Variants in ZPBP observed in about 807,000 individuals in gnomAD.
ZPBP encodes the protein zona pellucida binding protein, also known as zona pellucida-binding protein 1.
Under a neutral mutation model 44.8 loss-of-function variants are expected in ZPBP, and 26 were observed. That is an observed-to-expected ratio of 0.58 (90% CI 0.43 to 0.81). ZPBP has a LOEUF of 0.81. Among genes scored for constraint, ZPBP ranks in the 30% least tolerant of loss-of-function variants. The pLI is 0.00. For missense variants in ZPBP, 409 were observed against 434.0 expected (o/e 0.94, Z 0.51); for synonymous variants, 174 against 153.2 (o/e 1.14, Z -1.00).
chr7:49,915,386 C>T (rs1793660385), intron 1 of ZPBP: 1 of 152,160 alleles, frequency 6.6e-6, no homozygotes, highest in African/African-American at 2.4e-5. Flanking sequence ...AATTTCATCA[C>T]CTGCTTTGTG....
At chr7:49,928,026 C>T (rs928373683) in intron 1 of ZPBP, among the ~76,000 whole-genome samples, 9 of 152,134 alleles carry the variant, frequency 5.9e-5, no homozygotes, top group African/African-American at 1.2e-4. Flanking sequence ...CCCTGGTCAG[C>T]GTTGCCATAT....
intron 3 of ZPBP, among the ~76,000 whole-genome samples, chr7:50,077,737 A>C (rs2128848730): frequency 6.6e-6 from 1 of 151,974 alleles, no homozygotes; most frequent in African/African-American, 2.4e-5. Flanking sequence ...AAACACAGGA[A>C]ATAACAAGTG....
chr7:50,046,908 A>G (rs937080664), intron 4 of ZPBP, among the ~76,000 whole-genome samples: 6 of 152,214 alleles, frequency 3.9e-5, no homozygotes, highest in Admixed American at 6.5e-5. Context: ...ATGACCATCA[A>G]TGATAGGCTA....
rs368860330 is a variant in ZPBP, at chr7:49,911,795, G to A, written n.412-10580C>T. Among the ~76,000 whole-genome samples the A allele has an allele frequency of 2.6e-5, 4 of 151,804 alleles. No individual in the cohort carries two copies. In the East Asian group the frequency reaches 7.8e-4, roughly 30 times the overall value. On this transcript the variant is annotated intron_variant and non_coding_transcript_variant, in intron 1 of 2. Transcript: ENST00000465922. ...CCCTGTAATCCTAGCTACTTGAAAGGCTGAGGCAGGAGAATTGCCTGAATC... is the reference window on the plus strand; with the variant it reads ...CCCTGTAATCCTAGCTACTTGAAAGACTGAGGCAGGAGAATTGCCTGAATC...
intron 6 of ZPBP, among the ~76,000 whole-genome samples, chr7:50,005,330 T>A (rs1798259041): frequency 6.6e-6 from 1 of 152,006 alleles, no homozygotes; most frequent in Admixed American, 6.6e-5. Flanking sequence ...AAAGTAATTC[T>A]GTAAACAAAA....
At chr7:50,092,686 C>A (rs939089794) in intron 1 of ZPBP, among the ~76,000 whole-genome samples, 3 of 152,292 alleles carry the variant, frequency 2.0e-5, no homozygotes, top group African/African-American at 7.2e-5. Flanking sequence ...TCCACCATCA[C>A]GGATAATTTG....
intron 6 of ZPBP, among the ~76,000 whole-genome samples, chr7:50,007,786 C>T (rs10278532): frequency 0.29 from 43,550 of 151,636 alleles, 6,991 homozygotes; most frequent in Non-Finnish European, 0.37. Context: ...ATTTTTCAAC[C>T]GATGTAGAAA....
downstream of ZPBP, among the ~76,000 whole-genome samples, chr7:49,936,822 G>A (rs548357973): frequency 6.6e-6 from 1 of 152,250 alleles, no homozygotes; most frequent in Admixed American, 6.5e-5. Context: ...TGTGATGATT[G>A]TTGATTATTT....
intron 1 of ZPBP, chr7:49,918,205 G>A (rs1458471924): frequency 6.6e-6 from 1 of 152,140 alleles, no homozygotes; most frequent in Non-Finnish European, 1.5e-5. Flanking sequence ...TAGGCTCAGG[G>A]AAATTTAAAA....
chr7:50,075,766 C>T (rs999828247), intron 3 of ZPBP, among the ~76,000 whole-genome samples: 2 of 151,856 alleles, frequency 1.3e-5, no homozygotes, highest in African/African-American at 4.8e-5. Context: ...AATAAAAACT[C>T]TCCAAGTAAA....
intron 7 of ZPBP, among the ~76,000 whole-genome samples, chr7:49,976,199 T>A (rs2128773341): frequency 6.6e-6 from 1 of 152,338 alleles, no homozygotes; most frequent in Non-Finnish European, 1.5e-5. Flanking sequence ...TATATATTTT[T>A]GCGTAGTCAA....
At chr7:49,906,175 C>G (rs1466961850) in intron 1 of ZPBP, among the ~76,000 whole-genome samples, 1 of 152,160 alleles carries the variant, frequency 6.6e-6, no homozygotes, top group Non-Finnish European at 1.5e-5. Context: ...TCTATGGACT[C>G]ACCCCAAATT....
chr7:49,903,336 C>A (rs1792881542), intron 1 of ZPBP, among the ~76,000 whole-genome samples: 1 of 152,038 alleles, frequency 6.6e-6, no homozygotes, highest in South Asian at 2.1e-4. Flanking sequence ...TGGAAAAAAA[C>A]AAAATGCCAC....
At chr7:50,038,040 C>T (rs1422623050) in intron 4 of ZPBP, among the ~76,000 whole-genome samples, 1 of 152,120 alleles carries the variant, frequency 6.6e-6, no homozygotes, top group Non-Finnish European at 1.5e-5. Context: ...ACTGAGAATA[C>T]TGAGTCCTCC....
intron 1 of ZPBP, chr7:49,919,265 A>G (rs1793894176): frequency 1.3e-5 from 2 of 152,156 alleles, no homozygotes; most frequent in South Asian, 4.1e-4. Context: ...AGAGTCATAT[A>G]TGGTCTTTGG....
At chr7:50,060,712 C>T (rs760536671) in intron 3 of ZPBP, among the ~76,000 whole-genome samples, 3 of 152,144 alleles carry the variant, frequency 2.0e-5, no homozygotes, top group Non-Finnish European at 4.4e-5. Flanking sequence ...GACAGATTCA[C>T]AGCCAAATTC....
intron 1 of ZPBP, among the ~76,000 whole-genome samples, chr7:49,908,014 A>T (rs1793199440): frequency 6.6e-6 from 1 of 152,138 alleles, no homozygotes; most frequent in African/African-American, 2.4e-5. Context: ...CGGAATGCAG[A>T]TTTTCCCCAC....
At chr7:50,040,969 G>C (rs980866430) in intron 4 of ZPBP, among the ~76,000 whole-genome samples, 12 of 152,162 alleles carry the variant, frequency 7.9e-5, no homozygotes, top group African/African-American at 2.4e-4. Context: ...AAGCTTGGTG[G>C]GGGGAGGGGC....
chr7:50,014,333 A>T (rs6964954), intron 6 of ZPBP, among the ~76,000 whole-genome samples: 39,757 of 152,034 alleles, frequency 0.26, 6,450 homozygotes, highest in Non-Finnish European at 0.37. Context: ...GAAGTTAAAA[A>T]CACTACTGAC....
Sources: gnomAD v4.1 joint callset for allele counts (sites outside exome capture counted in the v4.1 genomes callset) on GRCh38, gnomAD v4.1.1 for gene constraint, MANE v1.5 for transcripts, NCBI Gene and HGNC (gene_info 2026-07-23, HGNC 2026-07-21) for gene names.